Variants in DENND5B observed in about 807,000 individuals in gnomAD.
DENND5B encodes the protein DENN domain-containing protein 5B.
In DENND5B, 34 loss-of-function variants were observed where a neutral mutation model predicts 140.6. The observed-to-expected ratio is 0.24, with a 90% CI of 0.18 to 0.32. The LOEUF (loss-of-function observed/expected upper bound fraction) is 0.32, where lower values mean the gene tolerates loss of function less well. Among genes scored for constraint, DENND5B ranks in the 10% least tolerant of loss-of-function variants. The pLI, the probability that DENND5B is intolerant of heterozygous loss-of-function variation, is 1.00. For synonymous variants in DENND5B, 551 were observed against 562.1 expected, an observed-to-expected ratio of 0.98 and a Z score of 0.28; for missense variants, 1,142 against 1,560.2, an observed-to-expected ratio of 0.73 and a Z score of 4.52.
At chr12:31,411,669 A>C (rs1374472394) in intron 13 of DENND5B, among the ~76,000 whole-genome samples, 1 of 152,010 alleles carries the variant, frequency 6.6e-6, no homozygotes, top group East Asian at 1.9e-4. Flanking sequence ...TGGAAAAAAA[A>C]ACCACGCCAG....
intron 17 of DENND5B, among the ~76,000 whole-genome samples, chr12:31,396,769 T>C (rs1437540111): frequency 6.6e-6 from 1 of 152,060 alleles, no homozygotes; most frequent in East Asian, 1.9e-4. Context: ...ATTACAGGCA[T>C]GCACCACATG....
chr12:31,393,644 A>C lies in DENND5B; in HGVS notation c.3257-948T>G, dbSNP rs1593042247. Among the ~76,000 whole-genome samples, 4 of 152,322 alleles carry C rather than the reference A, an allele frequency of 2.6e-5. 1 individual carries two copies. In the Middle Eastern group the frequency reaches 0.014, roughly 518 times the overall value. On this transcript the variant is annotated intron_variant, in intron 17 of 20. Transcript: ENST00000389082. ...GGAAAACCCATACATCCTCATGTTT[A>C]AGAATCTCTGAATTCATACTGCTCA...
chr12:31,549,316 G>A (rs565455061), intron 1 of DENND5B, among the ~76,000 whole-genome samples: 37 of 152,204 alleles, frequency 2.4e-4, no homozygotes, highest in Non-Finnish European at 4.9e-4. Flanking sequence ...AAACGGCACT[G>A]ACTTTTTCCT....
At chr12:31,425,185 G>T (rs991542472) in intron 9 of DENND5B, among the ~76,000 whole-genome samples, 1 of 152,164 alleles carries the variant, frequency 6.6e-6, no homozygotes, top group Non-Finnish European at 1.5e-5. Flanking sequence ...AGTGGCACAC[G>T]CCTGTAATCC....
At chr12:31,430,901 A>G (rs770793065) in intron 8 of DENND5B, among the ~76,000 whole-genome samples, 13 of 152,200 alleles carry the variant, frequency 8.5e-5, no homozygotes, top group African/African-American at 2.4e-5. Flanking sequence ...GAAAGGATAC[A>G]GGGGGCGGCA....
At chr12:31,561,736 C>A (rs1279243051) in intron 1 of DENND5B, among the ~76,000 whole-genome samples, 3 of 152,144 alleles carry the variant, frequency 2.0e-5, no homozygotes, top group Non-Finnish European at 4.4e-5. Flanking sequence ...ACATTGAGCG[C>A]CTACTATTTG....
chr12:31,410,271 A>C (rs1408326526), intron 13 of DENND5B, among the ~76,000 whole-genome samples: 1 of 152,214 alleles, frequency 6.6e-6, no homozygotes, highest in Admixed American at 6.5e-5. Context: ...AGTCCTAAAG[A>C]AACAGATGAA....
intron 17 of DENND5B, among the ~76,000 whole-genome samples, chr12:31,393,168 T>C (rs1803810250): frequency 6.6e-6 from 1 of 152,100 alleles, no homozygotes; most frequent in Non-Finnish European, 1.5e-5. Context: ...AGTGAAATGT[T>C]CCCTTATGCT....
intron 6 of DENND5B, among the ~76,000 whole-genome samples, chr12:31,444,607 G>C (rs1447444800): frequency 6.6e-6 from 1 of 152,172 alleles, no homozygotes. Flanking sequence ...CAAACTCTCT[G>C]AGAGGCTGAA....
At chr12:31,451,787 G>C (rs888855383) in intron 5 of DENND5B, 153 bp downstream of exon 5, 20 of 863,126 alleles carry the variant, frequency 2.3e-5, no homozygotes, top group Non-Finnish European at 3.3e-5. Context: ...TTCTTAATGG[G>C]GCTGGAAGAC....
At chr12:31,419,868 G>A in intron 11 of DENND5B, 1 of 283,820 alleles carries the variant, frequency 3.5e-6, no homozygotes, top group Non-Finnish European at 5.3e-6. Context: ...AGCTATTCAG[G>A]AGGCTGAGGC....
At chr12:31,575,032 T>A (rs913040021) in intron 1 of DENND5B, among the ~76,000 whole-genome samples, 2 of 152,198 alleles carry the variant, frequency 1.3e-5, no homozygotes, top group East Asian at 1.9e-4. Flanking sequence ...AAGTCCAGTG[T>A]GAAAGTTCAT....
intron 4 of DENND5B, among the ~76,000 whole-genome samples, chr12:31,456,207 G>C (rs1043513618): frequency 1.2e-4 from 18 of 151,750 alleles, no homozygotes; most frequent in Admixed American, 5.3e-4. Flanking sequence ...GCGTGCACCT[G>C]TAATCCCAGC....
intron 1 of DENND5B, among the ~76,000 whole-genome samples, chr12:31,502,794 T>C (rs893667467): frequency 1.3e-5 from 2 of 152,184 alleles, no homozygotes; most frequent in African/African-American, 4.8e-5. Context: ...AAACCTTTCA[T>C]ACTCTCTCCT....
chr12:31,447,937 A>C (rs1393386174), intron 5 of DENND5B, among the ~76,000 whole-genome samples, 168 bp from the exon 6 acceptor site: 1 of 152,176 alleles, frequency 6.6e-6, no homozygotes, highest in Non-Finnish European at 1.5e-5. Flanking sequence ...ATTTTCCTAA[A>C]TTTAGAGAAT....
At chr12:31,467,039 A>T (rs1317667048) in intron 3 of DENND5B, among the ~76,000 whole-genome samples, 1 of 152,158 alleles carries the variant, frequency 6.6e-6, no homozygotes, top group Non-Finnish European at 1.5e-5. Flanking sequence ...AAACCAGAAG[A>T]TGATAGAATA....
At chr12:31,444,371 G>C (rs1304745991) in intron 6 of DENND5B, among the ~76,000 whole-genome samples, 1 of 152,136 alleles carries the variant, frequency 6.6e-6, no homozygotes, top group African/African-American at 2.4e-5. Flanking sequence ...AGCCTCCCGA[G>C]TAGCTGGGAT....
chr12:31,462,080 C>G lies in DENND5B; in HGVS notation c.905-1699G>C, dbSNP rs565781018. Among the ~76,000 whole-genome samples the G allele has an allele frequency of 3.9e-5, 6 of 152,184 alleles. No homozygotes were observed. In the South Asian group the frequency reaches 1.0e-3, roughly 26 times the overall value. On this transcript the variant is annotated intron_variant, in intron 3 of 20. Transcript: ENST00000389082. ...AAAGATTCAAATTTTAGGTGAAAAT[C>G]TGTTTATAGGAATAACTTCTAGAAC...
At position 31,556,049 on chromosome 12, in the gene DENND5B, G is replaced by A. The variant is rs144027462; in HGVS notation, c.127+34657C>T. On this transcript the variant is annotated intron_variant, in intron 1 of 20. Coordinates refer to ENST00000389082, the MANE Select transcript of DENND5B (RefSeq NM_144973.4). ...CCCTGCTTCGGCTTGCGCGTGGTGC[G>A]CTGCACCCACTGTCCTGCACCTACT... Among the ~76,000 whole-genome samples the A allele has an allele frequency of 9.6e-3, 1,457 of 152,306 alleles. 25 individuals are homozygous for A. The highest frequency in any genetic ancestry group is 0.033 in the African/African-American group (1,379 of 41,558).
Sources: allele counts gnomAD v4.1 joint callset (sites outside exome capture counted in the v4.1 genomes callset), GRCh38; gene constraint gnomAD v4.1.1; transcripts MANE v1.5; gene names NCBI Gene and HGNC (gene_info 2026-07-23, HGNC 2026-07-21).